PTPRR: variants seen among roughly 807,000 people sequenced by gnomAD.
The protein encoded by PTPRR is receptor-type tyrosine-protein phosphatase R.
PTPRR carries 38 observed loss-of-function variants against 77.2 expected under a neutral mutation model. The ratio of observed to expected loss-of-function variants is 0.49; its 90% CI spans 0.38 to 0.65. The LOEUF is 0.65. PTPRR is among the 30% of genes least tolerant of loss of function. PTPRR has a pLI of 0.00. For synonymous variants in PTPRR, 299 were observed against 283.1 expected (o/e 1.06, Z -0.57); for missense variants, 744 against 799.2 (o/e 0.93, Z 0.83).
chr12:70,794,374 A>C (rs1891474495), intron 2 of PTPRR, among the ~76,000 whole-genome samples: 1 of 152,286 alleles, frequency 6.6e-6, no homozygotes. Flanking sequence ...TGAATGACTA[A>C]AGAACTTCTT....
At chr12:70,768,584 G>T (rs1890887553) in intron 2 of PTPRR, among the ~76,000 whole-genome samples, 1 of 152,150 alleles carries the variant, frequency 6.6e-6, no homozygotes. Context: ...AGAGGTACAA[G>T]GAGGAACTGG....
intron 1 of PTPRR, among the ~76,000 whole-genome samples, chr12:70,914,600 A>G (rs1323211719): frequency 6.6e-6 from 1 of 152,182 alleles, no homozygotes; most frequent in African/African-American, 2.4e-5. Flanking sequence ...GTTATTCACA[A>G]TGTTAGGGAA....
At chr12:70,847,346 T>C (rs1208029515) in intron 2 of PTPRR, among the ~76,000 whole-genome samples, 1 of 152,180 alleles carries the variant, frequency 6.6e-6, no homozygotes, top group Non-Finnish European at 1.5e-5. Flanking sequence ...ACCACAAACA[T>C]AATCAAAACA....
chr12:70,872,888 A>T (rs1044743330), intron 2 of PTPRR, among the ~76,000 whole-genome samples: 1 of 152,134 alleles, frequency 6.6e-6, no homozygotes, highest in Non-Finnish European at 1.5e-5. Flanking sequence ...ACTAGAAGAA[A>T]TATAACAATG....
intron 6 of PTPRR, among the ~76,000 whole-genome samples, chr12:70,723,339 C>CTT (rs1027133661): frequency 6.7e-6 from 1 of 148,868 alleles, no homozygotes; most frequent in African/African-American, 2.5e-5. Flanking sequence ...TTTTTGAGGG[C>CTT]TTTTTTTTTT....
chr12:70,901,778 T>C (rs1893538793), intron 1 of PTPRR, among the ~76,000 whole-genome samples: 1 of 151,654 alleles, frequency 6.6e-6, no homozygotes, highest in African/African-American at 2.4e-5. Context: ...AATTTAATTA[T>C]TAATTAATTT....
chr12:70,759,226 G>A (rs925096238), intron 4 of PTPRR, among the ~76,000 whole-genome samples: 3 of 152,074 alleles, frequency 2.0e-5, no homozygotes, highest in Admixed American at 6.5e-5. Flanking sequence ...TTGAGCCAAC[G>A]CGCCCAGCAT....
intron 6 of PTPRR, among the ~76,000 whole-genome samples, chr12:70,703,746 C>T (rs1022238940): frequency 6.6e-6 from 1 of 152,004 alleles, no homozygotes; most frequent in African/African-American, 2.4e-5. Context: ...AGTCCTATGC[C>T]CTTTAAAATC....
intron 4 of PTPRR, 114 bp from the exon 5 acceptor site, chr12:70,754,415 C>A: frequency 1.3e-6 from 2 of 1,565,522 alleles, no homozygotes; most frequent in Non-Finnish European, 1.7e-6. Flanking sequence ...GTGCAACACA[C>A]CTACACCCCC....
intron 2 of PTPRR, among the ~76,000 whole-genome samples, chr12:70,868,780 A>T (rs1299058743): frequency 6.6e-6 from 1 of 152,114 alleles, no homozygotes; most frequent in Non-Finnish European, 1.5e-5. Flanking sequence ...AAGACTTGGA[A>T]CCAACCCAAA....
At chr12:70,886,233 A>T (rs1351047244) in intron 2 of PTPRR, among the ~76,000 whole-genome samples, 3 of 152,224 alleles carry the variant, frequency 2.0e-5, no homozygotes, top group Non-Finnish European at 4.4e-5. Flanking sequence ...CGGAATTTCT[A>T]CTTCAGGACT....
chr12:70,867,325 A>AAGC (rs1435655541), intron 2 of PTPRR, among the ~76,000 whole-genome samples: 9 of 151,598 alleles, frequency 5.9e-5, no homozygotes, highest in Non-Finnish European at 1.3e-4. Flanking sequence ...TTAAGCTGAT[A>AAGC]AGCAACTTCA....
At position 70,906,450 on chromosome 12, in the gene PTPRR, T is replaced by C. The variant is rs147540085; in HGVS notation, c.59-13473A>G. On this transcript the variant is annotated intron_variant, in intron 1 of 13. Coordinates refer to ENST00000283228, the MANE Select transcript of PTPRR (RefSeq NM_002849.4). ...GATGTAAGGAGGCTAATATTAAATC[T>C]ATTATTTAGTTGTTCTATCATTCTA... Among the ~76,000 whole-genome samples the C allele has an allele frequency of 2.4e-3, 359 of 152,214 alleles. 2 individuals carry two copies. The highest frequency in any genetic ancestry group is 3.8e-3 in the Non-Finnish European group (258 of 67,960).
intron 13 of PTPRR, among the ~76,000 whole-genome samples, chr12:70,643,982 A>G (rs1886104886): frequency 6.6e-6 from 1 of 152,172 alleles, no homozygotes; most frequent in East Asian, 1.9e-4. Flanking sequence ...CTTATGTTAG[A>G]ACTAAAACAT....
intron 2 of PTPRR, among the ~76,000 whole-genome samples, chr12:70,872,922 T>G (rs549426742): frequency 9.2e-5 from 14 of 152,254 alleles, no homozygotes; most frequent in South Asian, 4.1e-4. Context: ...TTTTATGATA[T>G]CTGGCATTTG....
intron 2 of PTPRR, among the ~76,000 whole-genome samples, chr12:70,788,301 C>T (rs1414141847): frequency 6.6e-6 from 1 of 152,170 alleles, no homozygotes; most frequent in Non-Finnish European, 1.5e-5. Flanking sequence ...AAGATACTGA[C>T]TAGTCTTTTA....
chr12:70,661,311 G>A (rs1592645666), intron 11 of PTPRR: 1 of 629,978 alleles, frequency 1.6e-6, no homozygotes, highest in East Asian at 3.1e-5. Flanking sequence ...TCATACCTTT[G>A]TTGAGATTTA....
At position 70,764,698 on chromosome 12, in the gene PTPRR, G is replaced by A. The variant is rs753094547; in HGVS notation, c.438C>T (p.Leu146=). 22 of 1,613,932 alleles carry A rather than the reference G, an allele frequency of 1.4e-5. No individual in the cohort carries two copies. Among genetic ancestry groups the A allele is most frequent in the East Asian group, 2.2e-5 (1 of 44,882 alleles). The change falls in exon 3 of 14, where the codon CTC becomes CTT. Residue 146 remains leucine, a synonymous_variant. Coordinates refer to ENST00000283228, the MANE Select transcript of PTPRR (RefSeq NM_002849.4). ...FRQGVAAALG[L]LPQQVHINRL... ...GATTGATGTGCACTTGCTGGGGTAA[G>A]AGTCCTAAAGCTGCAGCCACTCCTT... is the stretch of plus-strand genomic sequence containing the variant.
chr12:70,769,388 C>A (rs1890912047), intron 2 of PTPRR, among the ~76,000 whole-genome samples: 1 of 151,932 alleles, frequency 6.6e-6, no homozygotes, highest in African/African-American at 2.4e-5. Flanking sequence ...AGAGCCAAAT[C>A]ATGAGTGAAC....
Sources: gnomAD v4.1 joint callset for allele counts (sites outside exome capture counted in the v4.1 genomes callset) on GRCh38, gnomAD v4.1.1 for gene constraint, MANE v1.5 for transcripts, NCBI Gene and HGNC (gene_info 2026-07-23, HGNC 2026-07-21) for gene names.